NEDD4: variants seen among roughly 807,000 people sequenced by gnomAD.
The protein encoded by NEDD4 is NEDD4 E3 ubiquitin protein ligase, also known as E3 ubiquitin-protein ligase NEDD4.
A neutral mutation model predicts 144.9 loss-of-function variants in NEDD4; 99 were observed. That is an observed-to-expected ratio of 0.68 (90% CI 0.58 to 0.81). NEDD4 has a LOEUF of 0.81. NEDD4 is among the 30% of genes least tolerant of loss of function. The pLI, the probability that NEDD4 is intolerant of heterozygous loss-of-function variation, is 0.00. For synonymous variants in NEDD4, 318 were observed against 350.6 expected (o/e 0.91, Z 1.04); for missense variants, 985 against 1,065.9 (o/e 0.92, Z 1.06).
At chr15:55,833,555 G>A (rs1484198618) in intron 26 of NEDD4, among the ~76,000 whole-genome samples, 25 of 152,128 alleles carry the variant, frequency 1.6e-4, no homozygotes, top group Non-Finnish European at 2.9e-5. Flanking sequence ...CAGCTACTCG[G>A]GAAGCTGAGG....
At chr15:55,975,863 T>C (rs781432511) in intron 1 of NEDD4, among the ~76,000 whole-genome samples, 4 of 152,144 alleles carry the variant, frequency 2.6e-5, no homozygotes, top group Non-Finnish European at 5.9e-5. Context: ...TCAAATTAAT[T>C]ACTGGACTTC....
chr15:55,975,718 A>G (rs1403639292), intron 1 of NEDD4, among the ~76,000 whole-genome samples: 1 of 152,194 alleles, frequency 6.6e-6, no homozygotes, highest in East Asian at 1.9e-4. Flanking sequence ...AAAGCAATCT[A>G]CAGATTCAAT....
intron 1 of NEDD4, among the ~76,000 whole-genome samples, chr15:55,978,819 T>A (rs72734389): frequency 0.13 from 20,432 of 151,688 alleles, 1,508 homozygotes; most frequent in East Asian, 0.32. Flanking sequence ...ATGTGTTATC[T>A]ATGCGGGCAG....
In NEDD4 at chr15:55,915,396, C is replaced by T. The variant is rs200370285; in HGVS notation, c.291+9250G>A. The T allele has an allele frequency of 5.1e-5, 82 of 1,613,766 alleles. No individual in the cohort carries two copies. In the East Asian group the frequency reaches 1.6e-3, roughly 31 times the overall value. On this transcript the variant is annotated intron_variant, in intron 5 of 28. Transcript: ENST00000435532. Reference sequence around the variant, plus strand: ...CTTTATGAGTAACTGAGATGGTCCCCCTTTAGAACAATTGTGCTTAAGGCT... The same window carrying T: ...CTTTATGAGTAACTGAGATGGTCCCTCTTTAGAACAATTGTGCTTAAGGCT...
rs769566354 is a variant in NEDD4 at position 55,872,370 on chromosome 15, G to A, written c.404+45C>T. On this transcript the variant is annotated intron_variant, in intron 7 of 28. Transcript: ENST00000435532. Reference sequence around the variant, plus strand: ...TAAGGCTACTGTAAGGTGTAATGAAGAGATAAAAAATTTAATATGCTATTA... The same window carrying A: ...TAAGGCTACTGTAAGGTGTAATGAAAAGATAAAAAATTTAATATGCTATTA... 11 of 902,988 alleles carry A rather than the reference G, an allele frequency of 1.2e-5. No homozygotes were observed. The African/African-American group carries it at 1.9e-4, about 16-fold the overall frequency. The allele number at this position is 902,988 out of a possible 1,614,324, so 55.9% of individuals were successfully genotyped here.
At chr15:55,892,378 A>T (rs1019860734) in intron 5 of NEDD4, among the ~76,000 whole-genome samples, 20 of 151,804 alleles carry the variant, frequency 1.3e-4, no homozygotes, top group African/African-American at 3.9e-4. Flanking sequence ...AAGGCAAAGG[A>T]TTATAGAAAG....
rs2037238137 is a variant in NEDD4, at chr15:55,951,516, T to C, written c.193A>G (p.Lys65Glu). The C allele has an allele frequency of 6.5e-7, 1 of 1,527,704 alleles. No homozygotes were observed. The highest frequency in any genetic ancestry group is 8.8e-7 in the Non-Finnish European group (1 of 1,139,210). The allele number at this position is 1,527,704 out of a possible 1,614,324, so 94.6% of individuals were successfully genotyped here. The part of the protein sequence containing the change: ...VLTSVQTKTI[K>E]KSLNPKWNEE... Reference sequence around the variant, plus strand: ...TGAATATTGCTAAGTCTAACCTTTTTAATGGTTTTTGTTTGCACACTTGTA... The same window carrying C: ...TGAATATTGCTAAGTCTAACCTTTTCAATGGTTTTTGTTTGCACACTTGTA... The change falls in exon 3 of 29, where the codon AAA becomes GAA. Residue 65 changes from lysine (K) to glutamate (E), a missense_variant. Coordinates refer to ENST00000435532, the MANE Select transcript of NEDD4 (RefSeq NM_006154.4).
At chr15:55,949,956 A>T (rs1035275045) in intron 4 of NEDD4, among the ~76,000 whole-genome samples, 1 of 152,166 alleles carries the variant, frequency 6.6e-6, no homozygotes, top group African/African-American at 2.4e-5. Context: ...ATAATTAAAA[A>T]AAAAAAGAAA....
At chr15:55,859,878 A>C (rs1454479271) in intron 11 of NEDD4, among the ~76,000 whole-genome samples, 1 of 152,210 alleles carries the variant, frequency 6.6e-6, no homozygotes, top group Non-Finnish European at 1.5e-5. Flanking sequence ...ACAAAATACC[A>C]AACATTTCCC....
At chr15:55,855,078 T>A (rs1214946530) in intron 12 of NEDD4, among the ~76,000 whole-genome samples, 1 of 152,186 alleles carries the variant, frequency 6.6e-6, no homozygotes, top group East Asian at 1.9e-4. Flanking sequence ...CAATGGCATC[T>A]GTCCTCTTGT....
chr15:55,848,447 G>GA lies in NEDD4; in HGVS notation c.1484-18dup, dbSNP rs2033841201. 1.9e-6 allele frequency: 3 copies of GA among 1,613,504 alleles called. No individual in the cohort carries two copies. Among genetic ancestry groups the GA allele is most frequent in the Admixed American group, 1.7e-5 (1 of 59,932 alleles). The stretch of plus-strand genomic sequence containing the variant: ...TTTTTATATCTGAAGGGAAGAAAAA[G>GA]AAAAAAGATGTACTTTCTCACACAT... On this transcript the variant is annotated splice_polypyrimidine_tract_variant and intron_variant, in intron 16 of 28. Transcript: ENST00000435532.
chr15:55,915,748 TG>T (rs1369684257), intron 5 of NEDD4: 1 of 1,613,952 alleles, frequency 6.2e-7, no homozygotes, highest in Admixed American at 1.7e-5. Context: ...ACAGTCTGTC[TG>T]GGAGTATTAT....
rs2036496357 is a variant in NEDD4, at chr15:55,918,074, C to T, written c.291+6572G>A. On this transcript the variant is annotated intron_variant, in intron 5 of 28. Coordinates refer to ENST00000435532, the MANE Select transcript of NEDD4 (RefSeq NM_006154.4). ...GCTGTTTGATATCTATAAAGAAATACAAACCAAGCTGCACATTTCTTTATA... is the reference window on the plus strand; with the variant it reads ...GCTGTTTGATATCTATAAAGAAATATAAACCAAGCTGCACATTTCTTTATA... Among the ~76,000 whole-genome samples, 4 of 152,238 alleles carry T rather than the reference C, an allele frequency of 2.6e-5. No homozygotes were observed. The South Asian group carries it at 8.3e-4, about 32-fold the overall frequency.
At chr15:55,878,140 T>C (rs776469632) in intron 5 of NEDD4, among the ~76,000 whole-genome samples, 5 of 152,066 alleles carry the variant, frequency 3.3e-5, no homozygotes, top group African/African-American at 1.2e-4. Flanking sequence ...AATATACAGA[T>C]AAATTGAAGA....
At chr15:55,864,228 A>G (rs1355823988) in intron 8 of NEDD4, among the ~76,000 whole-genome samples, 1 of 152,184 alleles carries the variant, frequency 6.6e-6, no homozygotes, top group Non-Finnish European at 1.5e-5. Flanking sequence ...ACTGGTGAAG[A>G]AAACTTTAAA....
intron 5 of NEDD4, among the ~76,000 whole-genome samples, chr15:55,922,555 GT>G: frequency 6.6e-6 from 1 of 152,216 alleles, no homozygotes; most frequent in East Asian, 1.9e-4. Flanking sequence ...TACAGACAGA[GT>G]TTCACCACGT....
chr15:55,911,358 T>C (rs2036266735), intron 5 of NEDD4, among the ~76,000 whole-genome samples: 1 of 152,074 alleles, frequency 6.6e-6, no homozygotes, highest in Admixed American at 6.6e-5. Flanking sequence ...TAGAATCTCT[T>C]TGATTTCTCT....
At chr15:55,840,866 T>C in intron 19 of NEDD4, 139 bp from the exon 20 acceptor site, 2 of 869,926 alleles carry the variant, frequency 2.3e-6, no homozygotes, top group East Asian at 2.6e-5. Context: ...GTTTTAAAAA[T>C]AGTAATTTCT....
chr15:55,837,889 CA>C (rs780029490), intron 23 of NEDD4, 40 bp from the exon 24 acceptor site: 11 of 1,509,340 alleles, frequency 7.3e-6, no homozygotes, highest in Admixed American at 1.8e-5. Context: ...TGAACCAAGA[CA>C]AAATTCTGAG....
Sources: allele counts gnomAD v4.1 joint callset (sites outside exome capture counted in the v4.1 genomes callset), GRCh38; gene constraint gnomAD v4.1.1; transcripts MANE v1.5; gene names NCBI Gene and HGNC (gene_info 2026-07-23, HGNC 2026-07-21).